The following NCALD variants were observed in gnomAD, a reference collection of about 807,000 sequenced individuals.
NCALD encodes the protein neurocalcin delta, also known as neurocalcin-delta.
In NCALD, 10 loss-of-function variants were observed where a neutral mutation model predicts 18.6. That is an observed-to-expected ratio of 0.54 (90% CI 0.33 to 0.91). The LOEUF is 0.91. Ranked by LOEUF, NCALD falls within the 40% of genes least tolerant of loss-of-function variation. NCALD has a pLI of 0.03. For missense variants in NCALD, 184 were observed against 247.6 expected, an observed-to-expected ratio of 0.74 and a Z score of 1.72; for synonymous variants, 88 against 87.4, an observed-to-expected ratio of 1.01 and a Z score of -0.04.
intron 2 of NCALD, among the ~76,000 whole-genome samples, chr8:101,973,804 G>T (rs758286011): frequency 3.9e-5 from 6 of 152,134 alleles, no homozygotes; most frequent in Non-Finnish European, 8.8e-5. Context: ...ATATATCAAA[G>T]AATCAGGCAA....
In NCALD at chr8:101,887,367, A is replaced by C. The variant is rs573472531; in HGVS notation, c.-106-140T>G. On this transcript the variant is annotated intron_variant, in intron 3 of 6. Transcript: ENST00000311028. Reference sequence around the variant, plus strand: ...AGGAAACACACCTACAAGAACACTGACGTGTATCAGCCTAATTGGTTTTTG... The same window carrying C: ...AGGAAACACACCTACAAGAACACTGCCGTGTATCAGCCTAATTGGTTTTTG... 128 of 152,332 alleles carry C rather than the reference A, an allele frequency of 8.4e-4. 2 individuals carry two copies. Among genetic ancestry groups the C allele is most frequent in the Admixed American group, 8.4e-3 (128 of 15,308 alleles). The allele number at this position is 152,332 out of a possible 1,614,324, so 9.4% of individuals were successfully genotyped here.
chr8:101,865,359 C>T (rs1253604631), intron 4 of NCALD, among the ~76,000 whole-genome samples: 8 of 152,200 alleles, frequency 5.3e-5, no homozygotes, highest in Admixed American at 4.6e-4. Context: ...TCCAGGAGGG[C>T]TATTGCTAGC....
At chr8:101,951,413 C>A (rs931609010) in intron 2 of NCALD, among the ~76,000 whole-genome samples, 5 of 152,026 alleles carry the variant, frequency 3.3e-5, no homozygotes, top group Non-Finnish European at 7.4e-5. Flanking sequence ...GAGGAGCTGG[C>A]GAAGACGGAA....
intron 4 of NCALD, among the ~76,000 whole-genome samples, chr8:101,854,674 C>G (rs1241237514): frequency 6.6e-6 from 1 of 152,070 alleles, no homozygotes; most frequent in Non-Finnish European, 1.5e-5. Flanking sequence ...TTCCTAGACT[C>G]CCATGGAAAA....
At chr8:101,946,294 G>A (rs1215441677) in intron 2 of NCALD, among the ~76,000 whole-genome samples, 2 of 152,148 alleles carry the variant, frequency 1.3e-5, no homozygotes, top group African/African-American at 4.8e-5. Flanking sequence ...GCTAATCTCA[G>A]GGGATACAGT....
rs1324511842 is a variant in NCALD at position 101,688,513 on chromosome 8, C to A, written c.*796G>T. ...ATTGTATTAGTGCTCACTAAACATGCATTTCATTTAAACAAGGCAAAACAC... is the reference window on the plus strand; with the variant it reads ...ATTGTATTAGTGCTCACTAAACATGAATTTCATTTAAACAAGGCAAAACAC... On this transcript the variant is annotated 3_prime_UTR_variant, in exon 4 of 4. Coordinates refer to ENST00000220931, the MANE Select transcript of NCALD (RefSeq NM_032041.3). 2.8e-6 allele frequency: 1 copy of A among 357,086 alleles called. No individual in the cohort carries two copies. Among genetic ancestry groups the A allele is most frequent in the Non-Finnish European group, 5.5e-6 (1 of 180,916 alleles). The allele number at this position is 357,086 out of a possible 1,614,324, so 22.1% of individuals were successfully genotyped here.
At chr8:101,944,914 C>G (rs1345524254) in intron 2 of NCALD, among the ~76,000 whole-genome samples, 1 of 152,298 alleles carries the variant, frequency 6.6e-6, no homozygotes, top group Non-Finnish European at 1.5e-5. Context: ...ATAATCCCTT[C>G]ATTAAATTAT....
chr8:101,780,727 G>A (rs1275390626), intron 1 of NCALD, among the ~76,000 whole-genome samples: 2 of 152,134 alleles, frequency 1.3e-5, no homozygotes, highest in East Asian at 1.9e-4. Context: ...AATTTTACAC[G>A]CATATTTTAC....
chr8:101,747,341 G>A (rs909682604), intron 1 of NCALD, among the ~76,000 whole-genome samples: 1 of 152,172 alleles, frequency 6.6e-6, no homozygotes, highest in Non-Finnish European at 1.5e-5. Flanking sequence ...GAGTCTCCTT[G>A]CTAATAAGAT....
At chr8:102,107,505 G>A (rs986043737) in intron 1 of NCALD, among the ~76,000 whole-genome samples, 29 of 152,084 alleles carry the variant, frequency 1.9e-4, no homozygotes, top group African/African-American at 6.3e-4. Context: ...AAAAATCAGA[G>A]AACTAAAGTA....
At chr8:101,910,545 T>C (rs1563887871) in intron 3 of NCALD, among the ~76,000 whole-genome samples, 1 of 152,158 alleles carries the variant, frequency 6.6e-6, no homozygotes, top group Non-Finnish European at 1.5e-5. Flanking sequence ...CCAATGTGGA[T>C]TTAATCACCG....
At chr8:101,721,698 G>A (rs1251884655) in intron 1 of NCALD, among the ~76,000 whole-genome samples, 1 of 152,058 alleles carries the variant, frequency 6.6e-6, no homozygotes, top group Non-Finnish European at 1.5e-5. Context: ...CTCATTCATT[G>A]CCAAGTTTAT....
chr8:101,917,211 A>C (rs1465398531), intron 2 of NCALD, among the ~76,000 whole-genome samples: 1 of 152,168 alleles, frequency 6.6e-6, no homozygotes, highest in East Asian at 1.9e-4. Context: ...TTGCAAAATT[A>C]CATGAAAATT....
intron 1 of NCALD, among the ~76,000 whole-genome samples, chr8:101,770,377 T>A (rs1811534037): frequency 6.6e-6 from 1 of 152,210 alleles, no homozygotes; most frequent in Non-Finnish European, 1.5e-5. Flanking sequence ...GATGTTATAA[T>A]CAGTAGCAAG....
intron 1 of NCALD, among the ~76,000 whole-genome samples, chr8:102,110,402 CA>C (rs1444984457): frequency 6.6e-6 from 1 of 152,114 alleles, no homozygotes; most frequent in East Asian, 1.9e-4. Flanking sequence ...TTGCTTAGGA[CA>C]GTCCCTATTT....
rs1192975345 is a variant in NCALD, at chr8:101,959,437, T to C, written c.-156-43579A>G. On this transcript the variant is annotated intron_variant, in intron 2 of 6. Coordinates refer to the NCALD transcript ENST00000311028. Reference sequence around the variant, plus strand: ...CAGAGTAAATTACTCATTTTTCTTTTGTAATATGTAGGTATTTCATAAGAA... The same window carrying C: ...CAGAGTAAATTACTCATTTTTCTTTCGTAATATGTAGGTATTTCATAAGAA... Among the ~76,000 whole-genome samples the C allele has an allele frequency of 3.3e-5, 5 of 152,200 alleles. No homozygotes were observed. In the East Asian group the frequency reaches 9.6e-4, roughly 29 times the overall value.
chr8:101,755,814 G>T (rs1267559026), intron 1 of NCALD, among the ~76,000 whole-genome samples: 1 of 152,204 alleles, frequency 6.6e-6, no homozygotes, highest in Non-Finnish European at 1.5e-5. Context: ...TGGCTTCCAT[G>T]TCCTGTGTGA....
intron 2 of NCALD, among the ~76,000 whole-genome samples, chr8:102,012,805 G>T (rs1451594295): frequency 6.6e-6 from 1 of 152,110 alleles, no homozygotes; most frequent in African/African-American, 2.4e-5. Flanking sequence ...TCCTTTAAAA[G>T]GGCTTCAGGA....
At chr8:102,099,579 C>T (rs1294432026) in intron 1 of NCALD, among the ~76,000 whole-genome samples, 2 of 151,828 alleles carry the variant, frequency 1.3e-5, no homozygotes, top group East Asian at 3.9e-4. Context: ...AGTTGAATTG[C>T]CATGTGCTTC....
Sources: allele counts gnomAD v4.1 joint callset (sites outside exome capture counted in the v4.1 genomes callset), GRCh38; gene constraint gnomAD v4.1.1; transcripts MANE v1.5; gene names NCBI Gene and HGNC (gene_info 2026-07-23, HGNC 2026-07-21).